The following LMX1B variants were observed in gnomAD, a reference collection of about 807,000 sequenced individuals.
The protein encoded by LMX1B is LIM homeobox transcription factor 1-beta.
In LMX1B, 12 loss-of-function variants were observed where a neutral mutation model predicts 51.4. The ratio of observed to expected loss-of-function variants is 0.23; its 90% CI spans 0.15 to 0.38. The LOEUF (loss-of-function observed/expected upper bound fraction) is 0.38, where lower values mean the gene tolerates loss of function less well. LMX1B is among the 10% of genes least tolerant of loss of function. LMX1B has a pLI of 1.00. For missense variants in LMX1B, 445 were observed against 571.1 expected (o/e 0.78, Z 2.25); for synonymous variants, 237 against 235.4 (o/e 1.01, Z -0.06).
intron 2 of LMX1B, among the ~76,000 whole-genome samples, chr9:126,679,523 G>T (rs1194524583): frequency 6.6e-6 from 1 of 152,020 alleles, no homozygotes; most frequent in Non-Finnish European, 1.5e-5. Context: ...GGGACAGGTG[G>T]ATAGATGGGT....
chr9:126,696,016 A>ACCACCCC lies in LMX1B; in HGVS notation c.1051+15_1051+16insACCCCCC. The ACCACCCC allele has an allele frequency of 1.3e-6, 2 of 1,512,698 alleles. No homozygotes were observed. The highest frequency in any genetic ancestry group is 2.5e-5 in the South Asian group (2 of 78,864). The allele number at this position is 1,512,698 out of a possible 1,614,324, so 93.7% of individuals were successfully genotyped here. ...ATGAACCCCTATGGTAAGCCGCCCT[A>ACCACCCC]CCCCCACCCGCCCGCCCCAGCACAG... On this transcript the variant is annotated intron_variant, in intron 7 of 7. Coordinates refer to ENST00000373474, the MANE Select transcript of LMX1B (RefSeq NM_001174147.2).
At chr9:126,637,431 T>C (rs1325446523) in intron 2 of LMX1B, among the ~76,000 whole-genome samples, 1 of 151,414 alleles carries the variant, frequency 6.6e-6, no homozygotes, top group African/African-American at 2.4e-5. Context: ...CCTGTATCTG[T>C]GTGCACTGGT....
intron 2 of LMX1B, among the ~76,000 whole-genome samples, chr9:126,651,370 T>G (rs1289451191): frequency 7.0e-6 from 1 of 142,772 alleles, no homozygotes; most frequent in Non-Finnish European, 1.5e-5. Context: ...AGGGCTGCCA[T>G]CCTCCTCAGC....
At chr9:126,655,159 T>C (rs960492336) in intron 2 of LMX1B, among the ~76,000 whole-genome samples, 7 of 152,314 alleles carry the variant, frequency 4.6e-5, no homozygotes, top group African/African-American at 1.7e-4. Context: ...ATAATCAACT[T>C]TTTGGAGGTG....
At chr9:126,655,020 C>T (rs556299320) in intron 2 of LMX1B, among the ~76,000 whole-genome samples, 1 of 152,334 alleles carries the variant, frequency 6.6e-6, no homozygotes, top group South Asian at 2.1e-4. Flanking sequence ...CCTGTTGTGA[C>T]CTGGGGCAAG....
chr9:126,693,737 T>C lies in LMX1B; in HGVS notation c.820-9T>C. 2 of 1,562,628 alleles carry C rather than the reference T, an allele frequency of 1.3e-6. No homozygotes were observed. On this transcript the variant is annotated splice_polypyrimidine_tract_variant and intron_variant, in intron 5 of 7. Coordinates refer to ENST00000373474, the MANE Select transcript of LMX1B (RefSeq NM_001174147.2). ...GGCAGCACCGGCCTGAACTGCGCTC[T>C]CCCTGCAGATGAAGAAGCTGGCGCG...
At chr9:126,674,516 G>T (rs925174152) in intron 2 of LMX1B, among the ~76,000 whole-genome samples, 1 of 152,200 alleles carries the variant, frequency 6.6e-6, no homozygotes, top group Non-Finnish European at 1.5e-5. Context: ...AGAGCCTGGT[G>T]TGGGGAGATC....
At position 126,696,585 on chromosome 9, in the gene LMX1B, C is replaced by A; in HGVS notation, c.*134C>A. The A allele has an allele frequency of 9.7e-7, 1 of 1,026,838 alleles. No homozygotes were observed. Among genetic ancestry groups the A allele is most frequent in the Non-Finnish European group, 1.5e-6 (1 of 684,686 alleles). 63.6% of individuals were successfully genotyped at this position (1,026,838 alleles called of 1,614,324 possible). A position where few individuals can be genotyped will look rare whatever the true frequency, so the allele number is the denominator to read the frequency against. On this transcript the variant is annotated 3_prime_UTR_variant, in exon 8 of 8. Coordinates refer to ENST00000373474, the MANE Select transcript of LMX1B (RefSeq NM_001174147.2). ...CATACGGTGCCCTCCCCTCGGCCAG[C>A]TGGGCCTGACCACTGTGCCCGTTGG...
At chr9:126,650,968 C>A (rs955707367) in intron 2 of LMX1B, among the ~76,000 whole-genome samples, 2 of 152,182 alleles carry the variant, frequency 1.3e-5, no homozygotes, top group African/African-American at 4.8e-5. Flanking sequence ...GATAATGATT[C>A]TGATAAAGAT....
rs749032975 is a variant in LMX1B, at chr9:126,696,435, C to A, written c.1193C>A (p.Ser398Tyr). 6.2e-7 allele frequency: 1 copy of A among 1,614,074 alleles called. No homozygotes were observed. The highest frequency in any genetic ancestry group is 8.5e-7 in the Non-Finnish European group (1 of 1,179,960). Residue 398 changes from serine (S) to tyrosine (Y), a missense_variant, in exon 8 of 8, where the codon TCC (serine) becomes TAC (tyrosine). Ser to Tyr is a moderately radical substitution (Grantham distance 144). Transcript: ENST00000373474. ...PIDRLYSMQS[S>Y]YFAS ...GACCGGCTCTACTCCATGCAGAGTTCCTACTTCGCCTCCTGAGAGCCAGCC... is the reference window on the plus strand; with the variant it reads ...GACCGGCTCTACTCCATGCAGAGTTACTACTTCGCCTCCTGAGAGCCAGCC...
chr9:126,696,731 G>A lies in LMX1B; in HGVS notation c.*280G>A, dbSNP rs111648919. The A allele has an allele frequency of 5.6e-3, 3,039 of 538,442 alleles. 29 individuals carry two copies. The highest frequency in any genetic ancestry group is 0.027 in the African/African-American group (1,406 of 52,622). The allele number at this position is 538,442 out of a possible 1,614,324, so 33.4% of individuals were successfully genotyped here. ...GCCACTCGCCTCCCAGCCCCACCTC[G>A]GCCTCCATCGCCTCCTCCCCATCTC... is the stretch of plus-strand genomic sequence containing the variant. On this transcript the variant is annotated 3_prime_UTR_variant, in exon 8 of 8. Coordinates refer to ENST00000373474, the MANE Select transcript of LMX1B (RefSeq NM_001174147.2).
chr9:126,674,925 G>A lies in LMX1B; in HGVS notation c.327-15911G>A, dbSNP rs539089555. On this transcript the variant is annotated intron_variant, in intron 2 of 7. Transcript: ENST00000373474. ...CTTAAAACCTTTCAATGACTTCCCC[G>A]TGGCTCTTGAGATTAAGACAAAAAT... 7.2e-5 allele frequency among the ~76,000 whole-genome samples: 11 copies of A among 152,234 alleles called. No individual in the cohort carries two copies. The South Asian group carries it at 1.7e-3, about 23-fold the overall frequency.
At chr9:126,683,255 C>A (rs1479179275) in intron 2 of LMX1B, among the ~76,000 whole-genome samples, 1 of 151,254 alleles carries the variant, frequency 6.6e-6, no homozygotes, top group Admixed American at 6.6e-5. Context: ...ATTCCAGCCG[C>A]GTGATTGACG....
chr9:126,621,033 C>T (rs1835401304), intron 2 of LMX1B, among the ~76,000 whole-genome samples: 3 of 152,182 alleles, frequency 2.0e-5, no homozygotes, highest in Non-Finnish European at 4.4e-5. Context: ...GAGGTTTCCA[C>T]CCATGGGTGG....
At chr9:126,644,214 GGA>G (rs1031875214) in intron 2 of LMX1B, among the ~76,000 whole-genome samples, 58 of 152,208 alleles carry the variant, frequency 3.8e-4, no homozygotes, top group African/African-American at 1.4e-3. Flanking sequence ...TTCCCAGGCT[GGA>G]GAGTCTCCCC....
chr9:126,644,280 A>G (rs915961465), intron 2 of LMX1B, among the ~76,000 whole-genome samples: 1 of 152,212 alleles, frequency 6.6e-6, no homozygotes, highest in African/African-American at 2.4e-5. Context: ...AGAAATCCAT[A>G]AAGTGCGAGT....
Position 126,690,814 on chromosome 9 carries a change from C to T in LMX1B, c.327-22C>T, listed in dbSNP as rs761813478. 16 of 1,584,704 alleles carry T rather than the reference C, an allele frequency of 1.0e-5. No homozygotes were observed. The Admixed American group carries it at 1.0e-4, about 10-fold the overall frequency. On this transcript the variant is annotated intron_variant, in intron 2 of 7. Transcript: ENST00000373474. ...GAGGGACTTCTGAGCACCGCCAACACGCCCGCTTTGTGCATCCGCAGGCTC... is the reference window on the plus strand; with the variant it reads ...GAGGGACTTCTGAGCACCGCCAACATGCCCGCTTTGTGCATCCGCAGGCTC...
chr9:126,664,476 A>T (rs1428046031), intron 2 of LMX1B, among the ~76,000 whole-genome samples: 4 of 152,192 alleles, frequency 2.6e-5, no homozygotes, highest in African/African-American at 7.2e-5. Context: ...AGGAGCCAAG[A>T]GGTGTCACCT....
chr9:126,668,470 T>A (rs960366772), intron 2 of LMX1B, among the ~76,000 whole-genome samples: 14 of 76,974 alleles, frequency 1.8e-4, no homozygotes, highest in Admixed American at 3.5e-4. Context: ...TATTATTATT[T>A]TGAGATGGAG....
Sources: gnomAD v4.1 joint callset for allele counts (sites outside exome capture counted in the v4.1 genomes callset) on GRCh38, gnomAD v4.1.1 for gene constraint, MANE v1.5 for transcripts, NCBI Gene and HGNC (gene_info 2026-07-23, HGNC 2026-07-21) for gene names.